Variants in VPS8 observed in about 807,000 individuals in gnomAD.
VPS8 encodes the protein vacuolar protein sorting-associated protein 8 homolog.
In VPS8, 129 loss-of-function variants were observed where a neutral mutation model predicts 216.4. That is an observed-to-expected ratio of 0.60 (90% confidence interval 0.52 to 0.69). VPS8 has a LOEUF of 0.69. Ranked by LOEUF, VPS8 falls within the 30% of genes least tolerant of loss-of-function variation. The pLI is 0.00. For missense variants in VPS8, 1,531 were observed against 1,683.5 expected, an observed-to-expected ratio of 0.91 and a Z score of 1.59; for synonymous variants, 571 against 565.4, an observed-to-expected ratio of 1.01 and a Z score of -0.14.
intron 46 of VPS8, 24 bp from the exon 47 acceptor site, chr3:185,048,455 A>C (rs1277604369): frequency 2.5e-6 from 4 of 1,613,102 alleles, no homozygotes; most frequent in Non-Finnish European, 3.4e-6. Flanking sequence ...GATGTTGTTA[A>C]TCGTATCGGT....
chr3:184,899,623 G>C (rs1214366466), intron 24 of VPS8, among the ~76,000 whole-genome samples: 1 of 152,028 alleles, frequency 6.6e-6, no homozygotes, highest in East Asian at 1.9e-4. Flanking sequence ...CCTCTCGGCT[G>C]CTCCTTCATT....
intron 44 of VPS8, among the ~76,000 whole-genome samples, chr3:184,998,097 C>T (rs987938729): frequency 1.3e-5 from 2 of 152,102 alleles, no homozygotes; most frequent in African/African-American, 4.8e-5. Flanking sequence ...AAAGAGACTT[C>T]AGAGGAGCAG....
intron 17 of VPS8, among the ~76,000 whole-genome samples, 191 bp downstream of exon 17, chr3:184,867,141 A>G (rs990569332): frequency 2.0e-5 from 3 of 152,116 alleles, no homozygotes; most frequent in Non-Finnish European, 2.9e-5. Context: ...CATATTCTTT[A>G]CTTTTGTTTA....
chr3:185,033,290 C>A (rs563577626), intron 46 of VPS8, among the ~76,000 whole-genome samples: 20 of 152,200 alleles, frequency 1.3e-4, no homozygotes, highest in Non-Finnish European at 2.4e-4. Context: ...ACCTATTTAT[C>A]CTGCCTTCTC....
intron 8 of VPS8, among the ~76,000 whole-genome samples, chr3:184,845,801 G>A (rs1337389005): frequency 6.7e-6 from 1 of 150,308 alleles, no homozygotes; most frequent in East Asian, 2.0e-4. Flanking sequence ...ATAAGAGCTT[G>A]ATAAATATCT....
In VPS8 at chr3:184,971,766, T is replaced by C; in HGVS notation, c.3420+14T>C. On this transcript the variant is annotated intron_variant, in intron 40 of 47. Coordinates refer to ENST00000625842, the MANE Select transcript of VPS8 (RefSeq NM_001009921.3). ...CAGCAACGTGAGGTAGGAGAATGAC[T>C]GTTTAGGTATTTAAAAGCCTGTACT... The C allele has an allele frequency of 6.2e-7, 1 of 1,607,056 alleles. No individual in the cohort carries two copies. Among genetic ancestry groups the C allele is most frequent in the Non-Finnish European group, 8.5e-7 (1 of 1,175,306 alleles).
chr3:184,849,275 G>T (rs1723803388), intron 9 of VPS8, 80 bp downstream of exon 9: 2 of 1,504,234 alleles, frequency 1.3e-6, no homozygotes, highest in South Asian at 1.2e-5. Context: ...TTAGATCAAA[G>T]ACCAAAATAC....
intron 6 of VPS8, 169 bp from the exon 7 acceptor site, chr3:184,839,529 T>C (rs75232593): frequency 5.0e-6 from 3 of 594,668 alleles, no homozygotes; most frequent in Non-Finnish European, 5.7e-6. Flanking sequence ...AGAAATAAAA[T>C]GTCCTGAGTT....
chr3:185,000,633 C>A (rs1236859062), intron 45 of VPS8, among the ~76,000 whole-genome samples: 1 of 135,780 alleles, frequency 7.4e-6, no homozygotes, highest in Non-Finnish European at 1.5e-5. Context: ...TTTTGAGATG[C>A]AGTCTCGCTC....
intron 36 of VPS8, among the ~76,000 whole-genome samples, chr3:184,955,900 G>A (rs1373398714): frequency 6.6e-6 from 1 of 151,634 alleles, no homozygotes; most frequent in African/African-American, 2.4e-5. Context: ...GAGAACTAAG[G>A]TGGTGGTATA....
intron 8 of VPS8, 98 bp from the exon 9 acceptor site, chr3:184,848,973 A>G (rs768810240): frequency 7.2e-5 from 95 of 1,328,406 alleles, no homozygotes; most frequent in Non-Finnish European, 9.6e-5. Flanking sequence ...GCTGCTTTTG[A>G]TTCTTGTCAC....
At chr3:184,831,803 G>A (rs919009849) in intron 3 of VPS8, among the ~76,000 whole-genome samples, 1 of 152,040 alleles carries the variant, frequency 6.6e-6, no homozygotes, top group Non-Finnish European at 1.5e-5. Context: ...TCTTAGGTTG[G>A]GATCTCCCGT....
chr3:184,859,300 T>A (rs1725852775), intron 14 of VPS8, among the ~76,000 whole-genome samples: 1 of 152,228 alleles, frequency 6.6e-6, no homozygotes, highest in African/African-American at 2.4e-5. Flanking sequence ...CATAAACTTT[T>A]ATTAAGCATC....
chr3:184,828,797 TG>T (rs1429452969), intron 3 of VPS8, among the ~76,000 whole-genome samples: 4 of 152,202 alleles, frequency 2.6e-5, no homozygotes, highest in Non-Finnish European at 5.9e-5. Flanking sequence ...GTGTACAGTG[TG>T]GTGAATGTTA....
Position 184,924,898 on chromosome 3 carries a change from G to A in VPS8, c.2491G>A (p.Val831Ile), listed in dbSNP as rs1231523800. ...VENSDFTPSQ[V>I]GCLFTFLARQ... is the part of the protein sequence containing the mutation. ...GAATTCAGACTTTACCCCCTCACAA[G>A]TAGGATGTCTCTTTACCTTCCTTGC... The change falls in exon 30 of 48, where the codon GTA becomes ATA. Residue 831 changes from valine to isoleucine, a missense_variant. Around this residue, in one of 3 missense-constraint regions of VPS8, gnomAD observed 1,318 missense variants for 1,468.4 expected, o/e 0.90. Transcript: ENST00000625842. 6.2e-7 allele frequency: 1 copy of A among 1,613,166 alleles called. No individual in the cohort carries two copies. Among genetic ancestry groups the A allele is most frequent in the Admixed American group, 1.7e-5 (1 of 59,914 alleles).
chr3:184,892,205 A>G (rs558109223), intron 22 of VPS8, among the ~76,000 whole-genome samples: 19 of 152,170 alleles, frequency 1.2e-4, no homozygotes, highest in Admixed American at 9.2e-4. Flanking sequence ...GAGAGCTACA[A>G]ATTTTTGTAT....
chr3:185,046,549 G>T (rs1287543765), intron 46 of VPS8, among the ~76,000 whole-genome samples: 1 of 152,096 alleles, frequency 6.6e-6, no homozygotes, highest in African/African-American at 2.4e-5. Flanking sequence ...GTTATACAGG[G>T]AGCTGGTAAC....
chr3:184,979,079 GTTGT>G (rs1214438800), intron 40 of VPS8, among the ~76,000 whole-genome samples: 7 of 151,792 alleles, frequency 4.6e-5, no homozygotes, highest in African/African-American at 1.7e-4. Context: ...ATCCAGTAGG[GTTGT>G]TTAATTTTCA....
intron 14 of VPS8, among the ~76,000 whole-genome samples, chr3:184,858,493 A>G (rs1468552952): frequency 6.6e-6 from 1 of 152,234 alleles, no homozygotes; most frequent in Non-Finnish European, 1.5e-5. Flanking sequence ...TATTAACTAA[A>G]GAGAAATGGG....
Sources: gnomAD v4.1 joint callset for allele counts (sites outside exome capture counted in the v4.1 genomes callset) on GRCh38, gnomAD v4.1.1 for gene constraint, gnomAD v4.1.1 regional missense constraint, MANE v1.5 for transcripts, NCBI Gene and HGNC (gene_info 2026-07-23, HGNC 2026-07-21) for gene names.